Variants in SLC15A5 observed in about 807,000 individuals in gnomAD.
SLC15A5 encodes solute carrier family 15 member 5, also known as Peptide/histidine transporter ENSP00000340402.
A neutral mutation model predicts 56.1 loss-of-function variants in SLC15A5; 58 were observed. The ratio of observed to expected loss-of-function variants is 1.03; its 90% CI spans 0.84 to 1.29. The LOEUF (loss-of-function observed/expected upper bound fraction) is 1.29. Ranked by LOEUF, SLC15A5 falls within the 50% of genes most tolerant of loss-of-function variation. SLC15A5 has a pLI of 0.00. For synonymous variants in SLC15A5, 264 were observed against 250.5 expected (o/e 1.05, Z -0.51); for missense variants, 681 against 672.1 (o/e 1.01, Z -0.15).
chr12:16,198,912 C>T (rs1863921902), intron 7 of SLC15A5, among the ~76,000 whole-genome samples: 1 of 152,050 alleles, frequency 6.6e-6, no homozygotes, highest in South Asian at 2.1e-4. Context: ...TGCCTTGATG[C>T]CTTTGAGCCT....
intron 8 of SLC15A5, among the ~76,000 whole-genome samples, chr12:16,191,156 T>G (rs2136236040): frequency 6.6e-6 from 1 of 152,254 alleles, no homozygotes; most frequent in Admixed American, 6.5e-5. Context: ...TCAGTTTCTT[T>G]GATGTGGTAC....
intron 8 of SLC15A5, among the ~76,000 whole-genome samples, chr12:16,190,600 A>G (rs1430706851): frequency 6.6e-6 from 1 of 152,200 alleles, no homozygotes; most frequent in Non-Finnish European, 1.5e-5. Flanking sequence ...TGTCAAATGA[A>G]CAAATGAATA....
intron 5 of SLC15A5, among the ~76,000 whole-genome samples, chr12:16,238,629 C>CAAAAAAA (rs36053667): frequency 1.7e-5 from 2 of 116,076 alleles, no homozygotes; most frequent in Non-Finnish European, 3.4e-5. Context: ...GACTCCGTCT[C>CAAAAAAA]AAAAAAAAAA....
In SLC15A5 at chr12:16,193,821, GAGAGAGAGAGAGAGAGAGAGAGA is replaced by G. The variant is rs1565654512; in HGVS notation, c.1592+501_1592+523del. On this transcript the variant is annotated intron_variant, in intron 8 of 8. Coordinates refer to ENST00000344941, the MANE Select transcript of SLC15A5 (RefSeq NM_001170798.1). Reference sequence around the variant, plus strand: ...AGAGAGAGAGAGAGAGAGAGAGAGAGAGAGAGAGAGAGAGAGAGAGAGAGGCTGGCAATGGATGGGTGGATGGA... The same window carrying G: ...AGAGAGAGAGAGAGAGAGAGAGAGAGGGCTGGCAATGGATGGGTGGATGGA... Among the ~76,000 whole-genome samples, 122 of 120,252 alleles carry G rather than the reference GAGAGAGAGAGAGAGAGAGAGAGA, an allele frequency of 1.0e-3. 2 individuals are homozygous for G. Among genetic ancestry groups the G allele is most frequent in the African/African-American group, 3.3e-3 (115 of 34,452 alleles). The allele number at this position is 120,252 out of a possible 152,430, so 78.9% of individuals were successfully genotyped here.
chr12:16,211,512 A>G (rs1864080768), intron 7 of SLC15A5, among the ~76,000 whole-genome samples: 1 of 152,014 alleles, frequency 6.6e-6, no homozygotes, highest in Non-Finnish European at 1.5e-5. Flanking sequence ...TTTTTTTCTT[A>G]AATATTTTGC....
intron 2 of SLC15A5, among the ~76,000 whole-genome samples, chr12:16,270,007 C>T (rs1325569805): frequency 6.6e-6 from 1 of 152,128 alleles, no homozygotes; most frequent in African/African-American, 2.4e-5. Context: ...GAAAGCCAGG[C>T]TCTGATCTGG....
intron 3 of SLC15A5, among the ~76,000 whole-genome samples, chr12:16,252,518 G>T (rs1864529795): frequency 6.6e-6 from 1 of 151,956 alleles, no homozygotes; most frequent in Non-Finnish European, 1.5e-5. Context: ...AACGATGACT[G>T]ATCTGAAAGC....
In SLC15A5 at chr12:16,235,332, G is replaced by GTATA. The variant is rs1864342643; in HGVS notation, c.1162+4348_1162+4349insTATA. ...TATATGTATATATGTATATGTATATGTACATATATATGACCTTCTATCTTT... is the reference window on the plus strand; with the variant it reads ...TATATGTATATATGTATATGTATATGTATATACATATATATGACCTTCTATCTTT... On this transcript the variant is annotated intron_variant, in intron 5 of 8. Coordinates refer to ENST00000344941, the MANE Select transcript of SLC15A5 (RefSeq NM_001170798.1). The surrounding 1 kb of genome is among the most constrained non-coding windows in gnomAD (Gnocchi z 4.1). Among the ~76,000 whole-genome samples, 2 of 149,320 alleles carry GTATA rather than the reference G, an allele frequency of 1.3e-5. No individual in the cohort carries two copies. The highest frequency in any genetic ancestry group is 6.7e-5 in the Admixed American group (1 of 14,876).
At position 16,258,442 on chromosome 12, in the gene SLC15A5, CCAGTAGTCTGGTTTGCAAGTT is replaced by C. The variant is rs367708843; in HGVS notation, c.585-593_585-573del. Among the ~76,000 whole-genome samples, 203 of 152,138 alleles carry C rather than the reference CCAGTAGTCTGGTTTGCAAGTT, an allele frequency of 1.3e-3. 6 individuals carry two copies. In the East Asian group the frequency reaches 0.028, roughly 21 times the overall value. On this transcript the variant is annotated intron_variant, in intron 2 of 8. Coordinates refer to ENST00000344941, the MANE Select transcript of SLC15A5 (RefSeq NM_001170798.1). ...TTAGTATCACAGAGAGGTACCTACC[CCAGTAGTCTGGTTTGCAAGTT>C]CTGGGAAAATCATCTCTACCTCTCA... is the stretch of plus-strand genomic sequence containing the variant.
intron 4 of SLC15A5, among the ~76,000 whole-genome samples, chr12:16,241,969 C>A (rs1252631668): frequency 6.6e-6 from 1 of 152,074 alleles, no homozygotes; most frequent in Admixed American, 6.6e-5. Context: ...AATCATCGCC[C>A]TGTAAAATTT....
Position 16,215,233 on chromosome 12 carries a change from AAGTG to A in SLC15A5, c.1483+1656_1483+1659del, listed in dbSNP as rs1444013388. On this transcript the variant is annotated intron_variant, in intron 7 of 8. Transcript: ENST00000344941. Reference sequence around the variant, plus strand: ...AAAAAAAAAAAAAAAAAAAAAACCAAAGTGAGGATAGTCTTGGGGAGAACTTAGC... The same window carrying A: ...AAAAAAAAAAAAAAAAAAAAAACCAAAGGATAGTCTTGGGGAGAACTTAGC... 2.0e-4 allele frequency among the ~76,000 whole-genome samples: 28 copies of A among 139,904 alleles called. No homozygotes were observed. The South Asian group carries it at 6.7e-3, about 34-fold the overall frequency. The allele number at this position is 139,904 out of a possible 152,430, so 91.8% of individuals were successfully genotyped here.
In SLC15A5 at chr12:16,196,395, T is replaced by A. The variant is rs996654170; in HGVS notation, c.1484-1942A>T. On this transcript the variant is annotated intron_variant, in intron 7 of 8. Transcript: ENST00000344941. This position sits in a 1 kb window ranked among gnomAD's most constrained non-coding sequence, Gnocchi z 4.0. Reference sequence around the variant, plus strand: ...ATGTGTGCTTTTGTGTGTGTGCATGTGTGTGTGTGTGCCCGTGCATGTGTG... The same window carrying A: ...ATGTGTGCTTTTGTGTGTGTGCATGAGTGTGTGTGTGCCCGTGCATGTGTG... Among the ~76,000 whole-genome samples, 2 of 151,840 alleles carry A rather than the reference T, an allele frequency of 1.3e-5. No individual in the cohort carries two copies. Among genetic ancestry groups the A allele is most frequent in the Non-Finnish European group, 1.5e-5 (1 of 67,948 alleles).
At chr12:16,223,515 C>A (rs2136249123) in intron 6 of SLC15A5, among the ~76,000 whole-genome samples, 1 of 152,186 alleles carries the variant, frequency 6.6e-6, no homozygotes, top group Non-Finnish European at 1.5e-5. Context: ...TTAATATAAG[C>A]AATCTAGATA....
intron 7 of SLC15A5, among the ~76,000 whole-genome samples, chr12:16,213,441 AT>A (rs1864102233): frequency 6.6e-6 from 1 of 152,140 alleles, no homozygotes. Context: ...CCAAGTATTT[AT>A]CAAATGTTTG....
At position 16,196,472 on chromosome 12, in the gene SLC15A5, A is replaced by C. The variant is rs1346403006; in HGVS notation, c.1484-2019T>G. ...ACTTGAGTGGGGAGAGTTGAGGTGG[A>C]GGTCAAGATAAGGTGCAATAACATC... On this transcript the variant is annotated intron_variant, in intron 7 of 8. Coordinates refer to ENST00000344941, the MANE Select transcript of SLC15A5 (RefSeq NM_001170798.1). This position sits in a 1 kb window ranked among gnomAD's most constrained non-coding sequence, Gnocchi z 4.0. 6.6e-6 allele frequency among the ~76,000 whole-genome samples: 1 copy of C among 152,012 alleles called. No individual in the cohort carries two copies. Among genetic ancestry groups the C allele is most frequent in the Non-Finnish European group, 1.5e-5 (1 of 67,982 alleles).
Position 16,237,163 on chromosome 12 carries a change from G to A in SLC15A5, c.1162+2518C>T, listed in dbSNP as rs1864359961. On this transcript the variant is annotated intron_variant, in intron 5 of 8. Transcript: ENST00000344941. The surrounding 1 kb of genome is among the most constrained non-coding windows in gnomAD (Gnocchi z 4.1). ...GTAACTTTAATATTAGACTAATTCA[G>A]TTATGTAAATTAGTATCAAAAAGTA... Among the ~76,000 whole-genome samples the A allele has an allele frequency of 6.6e-6, 1 of 152,132 alleles. No individual in the cohort carries two copies. Among genetic ancestry groups the A allele is most frequent in the Non-Finnish European group, 1.5e-5 (1 of 68,010 alleles).
Position 16,243,275 on chromosome 12 carries a change from ATCTCTGC to A in SLC15A5, c.975+1298_975+1304del, listed in dbSNP as rs1864430246. The stretch of plus-strand genomic sequence containing the variant: ...TCCCAGGCTGGAGTACAATGGCATG[ATCTCTGC>A]TCACCGCAACCTCCGCCTCCTGGGT... On this transcript the variant is annotated intron_variant, in intron 4 of 8. Coordinates refer to ENST00000344941, the MANE Select transcript of SLC15A5 (RefSeq NM_001170798.1). This position sits in a 1 kb window ranked among gnomAD's most constrained non-coding sequence, Gnocchi z 4.4. 6.8e-6 allele frequency among the ~76,000 whole-genome samples: 1 copy of A among 148,084 alleles called. No homozygotes were observed. The highest frequency in any genetic ancestry group is 1.5e-5 in the Non-Finnish European group (1 of 67,574).
At chr12:16,263,989 T>A (rs997026267) in intron 2 of SLC15A5, among the ~76,000 whole-genome samples, 5 of 152,158 alleles carry the variant, frequency 3.3e-5, no homozygotes, top group Non-Finnish European at 7.4e-5. Context: ...AAATGTGGGA[T>A]CAGAGCACCC....
At chr12:16,221,940 A>T (rs975507411) in intron 6 of SLC15A5, among the ~76,000 whole-genome samples, 13 of 152,288 alleles carry the variant, frequency 8.5e-5, no homozygotes, top group South Asian at 8.3e-4. Flanking sequence ...TTATGCTTCC[A>T]GGTCTCCCAG....
Sources: gnomAD v4.1 joint callset for allele counts (sites outside exome capture counted in the v4.1 genomes callset) on GRCh38, gnomAD v4.1.1 for gene constraint, Gnocchi (gnomAD v3.1) non-coding constraint, MANE v1.5 for transcripts, NCBI Gene and HGNC (gene_info 2026-07-23, HGNC 2026-07-21) for gene names.